CSMD1: variants seen among roughly 807,000 people sequenced by gnomAD.
CSMD1 encodes the protein CUB and Sushi multiple domains 1, also known as CUB and sushi domain-containing protein 1.
In CSMD1, 213 loss-of-function variants were observed where a neutral mutation model predicts 417.5. The observed-to-expected ratio is 0.51, with a 90% CI of 0.46 to 0.57. CSMD1 has a LOEUF of 0.57. Ranked by LOEUF, CSMD1 falls within the 20% of genes least tolerant of loss-of-function variation. The pLI is 0.00. For synonymous variants in CSMD1, 2,862 were observed against 1,736.8 expected (o/e 1.65, Z -16.11); for missense variants, 6,923 against 4,529.7 (o/e 1.53, Z -15.17).
At chr8:3,360,403 G>T (rs1202421886) in intron 20 of CSMD1, among the ~76,000 whole-genome samples, 1 of 152,186 alleles carries the variant, frequency 6.6e-6, no homozygotes, top group Admixed American at 6.5e-5. Context: ...GCTGTCACCA[G>T]CCTCTTGGTC....
intron 41 of CSMD1, among the ~76,000 whole-genome samples, chr8:3,135,995 C>A (rs1415821152): frequency 6.6e-6 from 1 of 152,160 alleles, no homozygotes; most frequent in Non-Finnish European, 1.5e-5. Flanking sequence ...CCAGCCCACA[C>A]AGCTGTCACC....
chr8:3,573,131 A>G (rs1342878223), intron 10 of CSMD1, among the ~76,000 whole-genome samples: 1 of 152,168 alleles, frequency 6.6e-6, no homozygotes, highest in African/African-American at 2.4e-5. Context: ...TTTCTGTTAC[A>G]CTACCAGTAT....
At chr8:3,153,084 T>C (rs1034157555) in intron 39 of CSMD1, among the ~76,000 whole-genome samples, 4 of 152,056 alleles carry the variant, frequency 2.6e-5, no homozygotes, top group African/African-American at 7.3e-5. Context: ...CAGTACAAAA[T>C]ACAGGTCACA....
intron 2 of CSMD1, among the ~76,000 whole-genome samples, chr8:4,582,304 C>A (rs1449569154): frequency 6.6e-6 from 1 of 152,166 alleles, no homozygotes; most frequent in Non-Finnish European, 1.5e-5. Flanking sequence ...AGCTTGTTAT[C>A]AGACCAAGTC....
chr8:3,396,539 A>G lies in CSMD1; in HGVS notation c.2406-158T>C, dbSNP rs142517404. 7.8e-3 allele frequency among the ~76,000 whole-genome samples: 1,189 copies of G among 152,310 alleles called. 8 individuals carry two copies. Among genetic ancestry groups the G allele is most frequent in the Middle Eastern group, 0.02 (6 of 294 alleles). On this transcript the variant is annotated intron_variant, in intron 16 of 69. Transcript: ENST00000635120. ...TTAAAACTTGGGTACAAATATAAGGATAGTATGTTCTTTTCTTGATGAGAC... is the reference window on the plus strand; with the variant it reads ...TTAAAACTTGGGTACAAATATAAGGGTAGTATGTTCTTTTCTTGATGAGAC...
chr8:3,550,834 T>C (rs928346740), intron 10 of CSMD1, among the ~76,000 whole-genome samples: 1 of 152,140 alleles, frequency 6.6e-6, no homozygotes, highest in African/African-American at 2.4e-5. Context: ...GAAGAGTAAA[T>C]ATATGGGTAA....
At chr8:4,713,663 C>A (rs1199953879) in intron 1 of CSMD1, among the ~76,000 whole-genome samples, 1 of 152,122 alleles carries the variant, frequency 6.6e-6, no homozygotes, top group Non-Finnish European at 1.5e-5. Flanking sequence ...CTTAACAAAA[C>A]AGAGGTCAGG....
chr8:4,587,822 G>C (rs1585293277), intron 2 of CSMD1, among the ~76,000 whole-genome samples: 1 of 152,118 alleles, frequency 6.6e-6, no homozygotes, highest in East Asian at 1.9e-4. Flanking sequence ...AAAACATTTT[G>C]CCTTTCCACA....
intron 39 of CSMD1, among the ~76,000 whole-genome samples, chr8:3,155,047 T>G (rs1359478088): frequency 2.0e-5 from 3 of 152,170 alleles, no homozygotes; most frequent in African/African-American, 4.8e-5. Context: ...TGACATAACT[T>G]AAACATGTGC....
chr8:3,298,500 C>G (rs533573940), intron 25 of CSMD1, among the ~76,000 whole-genome samples: 101 of 152,350 alleles, frequency 6.6e-4, no homozygotes, highest in Non-Finnish European at 1.2e-3. Context: ...GTTGACCAGG[C>G]TGGAGTGCAA....
At chr8:3,697,986 A>G (rs141132210) in intron 7 of CSMD1, among the ~76,000 whole-genome samples, 6 of 152,298 alleles carry the variant, frequency 3.9e-5, no homozygotes, top group Admixed American at 6.5e-5. Context: ...TTACAATTCA[A>G]TTTAACCACC....
chr8:3,377,728 TG>T (rs1810398936), intron 18 of CSMD1, among the ~76,000 whole-genome samples: 2 of 152,110 alleles, frequency 1.3e-5, no homozygotes, highest in Non-Finnish European at 2.9e-5. Flanking sequence ...CTGGCTACTT[TG>T]GGAAATCCTA....
chr8:3,214,429 T>A (rs2116817401), intron 30 of CSMD1, 68 bp downstream of exon 30: 1 of 1,328,614 alleles, frequency 7.5e-7, no homozygotes, highest in African/African-American at 1.5e-5. Context: ...GTGAAACCAT[T>A]TCTTCAATGA....
Position 3,772,361 on chromosome 8 carries a change from A to T in CSMD1, c.819-18319T>A, listed in dbSNP as rs1208292607. Reference sequence around the variant, plus strand: ...CATACATATATACATATATTTATATATACATATATACATATATTCATATAT... The same window carrying T: ...CATACATATATACATATATTTATATTTACATATATACATATATTCATATAT... On this transcript the variant is annotated intron_variant, in intron 5 of 69. Transcript: ENST00000635120. Among the ~76,000 whole-genome samples the T allele has an allele frequency of 3.0e-4, 34 of 112,700 alleles. 4 individuals carry two copies. Among genetic ancestry groups the T allele is most frequent in the African/African-American group, 1.0e-3 (33 of 31,850 alleles). 73.9% of individuals were successfully genotyped at this position (112,700 alleles called of 152,430 possible). A position where few individuals can be genotyped will look rare whatever the true frequency, so the allele number is the denominator to read the frequency against.
intron 1 of CSMD1, among the ~76,000 whole-genome samples, chr8:4,726,705 T>C (rs1034382742): frequency 9.2e-5 from 14 of 152,236 alleles, no homozygotes; most frequent in Admixed American, 8.5e-4. Context: ...TCTAATTTTA[T>C]TCATTCTCCT....
intron 42 of CSMD1, among the ~76,000 whole-genome samples, chr8:3,110,542 GTT>G (rs1403158508): frequency 1.3e-5 from 2 of 152,146 alleles, no homozygotes; most frequent in Non-Finnish European, 2.9e-5. Flanking sequence ...AATTATCTCA[GTT>G]TTATTTAATA....
chr8:4,740,589 G>A (rs896426859), intron 1 of CSMD1, among the ~76,000 whole-genome samples: 6 of 152,142 alleles, frequency 3.9e-5, no homozygotes, highest in Non-Finnish European at 8.8e-5. Flanking sequence ...CTCAGATAGC[G>A]TAACAAGCAC....
At chr8:4,585,736 C>G (rs1314345147) in intron 2 of CSMD1, among the ~76,000 whole-genome samples, 1 of 152,052 alleles carries the variant, frequency 6.6e-6, no homozygotes, top group African/African-American at 2.4e-5. Flanking sequence ...AAAATGATGA[C>G]CAACATAGAG....
chr8:4,592,427 C>T (rs911396863), intron 2 of CSMD1, among the ~76,000 whole-genome samples: 2 of 152,004 alleles, frequency 1.3e-5, no homozygotes, highest in Non-Finnish European at 2.9e-5. Context: ...TACTCCATCT[C>T]CCAGGCTGGA....
Sources: gnomAD v4.1 joint callset for allele counts (sites outside exome capture counted in the v4.1 genomes callset) on GRCh38, gnomAD v4.1.1 for gene constraint, MANE v1.5 for transcripts, NCBI Gene and HGNC (gene_info 2026-07-23, HGNC 2026-07-21) for gene names.